Variants in RBM33 observed in about 807,000 individuals in gnomAD.
RBM33 encodes RNA-binding protein 33.
RBM33 carries 28 observed loss-of-function variants against 132.6 expected under a neutral mutation model. That is an observed-to-expected ratio of 0.21 (90% CI 0.16 to 0.29). The LOEUF is 0.29. RBM33 is among the 10% of genes least tolerant of loss of function. The pLI, the probability that RBM33 is intolerant of heterozygous loss-of-function variation, is 1.00. For missense variants in RBM33, 1,291 were observed against 1,518.5 expected (o/e 0.85, Z 2.49); for synonymous variants, 634 against 593.0 (o/e 1.07, Z -1.01).
Position 155,742,124 on chromosome 7 carries a change from T to C in RBM33, c.2337+18T>C, listed in dbSNP as rs777713613. ...AAACAGAGGTAGGACACTGCTCTTA[T>C]TAACAAATGTTGGTCTCAAACAAGA... On this transcript the variant is annotated intron_variant, in intron 13 of 17. Transcript: ENST00000401878. The C allele has an allele frequency of 1.9e-6, 3 of 1,587,440 alleles. No individual in the cohort carries two copies. The South Asian group carries it at 3.4e-5, about 18-fold the overall frequency.
At chr7:155,729,284 C>T (rs896696016) in intron 9 of RBM33, among the ~76,000 whole-genome samples, 3 of 152,136 alleles carry the variant, frequency 2.0e-5, no homozygotes, top group South Asian at 2.1e-4. Context: ...GATTACAGTT[C>T]GAGATGAGAT....
At position 155,737,554 on chromosome 7, in the gene RBM33, A is replaced by G. The variant is rs1585508674; in HGVS notation, c.1285A>G (p.Thr429Ala). Residue 429 changes from threonine to alanine, a missense_variant, in exon 10 of 18, where the codon ACA (threonine) becomes GCA (alanine). By Grantham distance (58) the Thr-to-Ala change is moderately conservative. Around this residue, in one of 7 missense-constraint regions of RBM33, gnomAD observed 841 missense variants for 912.0 expected, o/e 0.92. Transcript: ENST00000401878. ...GGGCCCTCCAGAATTTCCACAGCAT[A>G]CACCTGGACCTGTTCCCAACAGTTT... ...FPGPPEFPQH[T>A]PGPVPNSFSQ... The G allele has an allele frequency of 6.2e-7, 1 of 1,611,302 alleles. No homozygotes were observed.
Position 155,661,149 on chromosome 7 carries a change from T to A in RBM33, c.44-4026T>A, listed in dbSNP as rs560975360. ...GTGTGTGTATATATATATATATATT[T>A]TTTTTTTTTTGAGACAGAGTCTCAC... On this transcript the variant is annotated intron_variant, in intron 1 of 17. Transcript: ENST00000401878. 1.4e-3 allele frequency among the ~76,000 whole-genome samples: 191 copies of A among 137,190 alleles called. 6 individuals carry two copies. The highest frequency in any genetic ancestry group is 3.8e-3 in the Middle Eastern group (1 of 264). 90.0% of individuals were successfully genotyped at this position (137,190 alleles called of 152,430 possible). A position where few individuals can be genotyped will look rare whatever the true frequency, so the allele number is the denominator to read the frequency against.
Position 155,745,087 on chromosome 7 carries a change from G to A in RBM33, c.2464G>A (p.Glu822Lys). 6.2e-7 allele frequency: 1 copy of A among 1,602,876 alleles called. No homozygotes were observed. The highest frequency in any genetic ancestry group is 8.5e-7 in the Non-Finnish European group (1 of 1,174,308). ...GCAGCAGGCTGGTGCCAGGAAGAAG[G>A]AGCTGCTGGAGAGACTCGCGCAGCA... ...RQQQAGARKK[E>K]LLERLAQQQQ... Residue 822 changes from glutamate to lysine, a missense_variant, in exon 14 of 18, where the codon GAG becomes AAG. By Grantham distance (56) the Glu-to-Lys change is moderately conservative. Coordinates refer to ENST00000401878, the MANE Select transcript of RBM33 (RefSeq NM_053043.3). The surrounding 1 kb of genome is among the most constrained non-coding windows in gnomAD (Gnocchi z 4.1).
chr7:155,734,802 G>A (rs1261173654), intron 9 of RBM33, among the ~76,000 whole-genome samples: 1 of 152,110 alleles, frequency 6.6e-6, no homozygotes, highest in Admixed American at 6.5e-5. Context: ...GCCAATTTGC[G>A]TGGGTTGGAA....
intron 14 of RBM33, among the ~76,000 whole-genome samples, chr7:155,753,849 G>A (rs919740590): frequency 1.3e-5 from 2 of 152,242 alleles, no homozygotes; most frequent in African/African-American, 4.8e-5. Context: ...GTGCTAATGA[G>A]TGGTAAAATG....
intron 4 of RBM33, 127 bp downstream of exon 4, chr7:155,678,811 A>G (rs957418765): frequency 3.4e-6 from 2 of 584,544 alleles, no homozygotes; most frequent in Non-Finnish European, 6.1e-6. Flanking sequence ...ATTACATTCT[A>G]AATGGAATAC....
chr7:155,650,883 T>C (rs1388218026), intron 1 of RBM33, among the ~76,000 whole-genome samples: 1 of 152,194 alleles, frequency 6.6e-6, no homozygotes, highest in Non-Finnish European at 1.5e-5. Flanking sequence ...GTTGTTGTTG[T>C]TTTTGTTTTG....
At chr7:155,708,524 C>T (rs1027465243) in intron 7 of RBM33, among the ~76,000 whole-genome samples, 7 of 152,160 alleles carry the variant, frequency 4.6e-5, no homozygotes, top group Non-Finnish European at 7.4e-5. Context: ...GGGAAGAGCA[C>T]GTATCTCTCA....
chr7:155,728,009 G>A (rs1346197481), intron 9 of RBM33, among the ~76,000 whole-genome samples: 1 of 152,148 alleles, frequency 6.6e-6, no homozygotes, highest in African/African-American at 2.4e-5. Context: ...GGCTCAAGCA[G>A]TCAGCCCACC....
chr7:155,775,422 A>G lies in RBM33; in HGVS notation c.*381A>G, dbSNP rs1355089239. On this transcript the variant is annotated 3_prime_UTR_variant, in exon 18 of 18. Coordinates refer to ENST00000401878, the MANE Select transcript of RBM33 (RefSeq NM_053043.3). The stretch of plus-strand genomic sequence containing the variant: ...GTCACAAGTTCTAAGTAGTTTTCAC[A>G]GCAAAGAATATTTGATAATGGTTGC... 4 of 358,082 alleles carry G rather than the reference A, an allele frequency of 1.1e-5. No homozygotes were observed. The Admixed American group carries it at 1.2e-4, about 10-fold the overall frequency. The allele number at this position is 358,082 out of a possible 1,614,324, so 22.2% of individuals were successfully genotyped here. A position where few individuals can be genotyped will look rare whatever the true frequency, so the allele number is the denominator to read the frequency against.
At chr7:155,678,509 T>C in intron 3 of RBM33, 99 bp from the exon 4 acceptor site, 4 of 742,520 alleles carry the variant, frequency 5.4e-6, no homozygotes, top group Non-Finnish European at 8.7e-6. Flanking sequence ...AACGTTTTAA[T>C]ATAAGGCTAG....
rs192080505 is a variant in RBM33, at chr7:155,713,198, G to T, written c.1201+1743G>T. Among the ~76,000 whole-genome samples the T allele has an allele frequency of 1.7e-3, 260 of 152,212 alleles. 2 individuals carry two copies. Among genetic ancestry groups the T allele is most frequent in the Admixed American group, 0.015 (232 of 15,280 alleles). On this transcript the variant is annotated intron_variant, in intron 8 of 17. Transcript: ENST00000401878. ...TGGGGAGATCAAAAGTTCTGTTTTG[G>T]GTGCATTAAATTTGAGATGCCAACT... is the stretch of plus-strand genomic sequence containing the variant.
At chr7:155,741,697 C>A in intron 12 of RBM33, 122 bp from the exon 13 acceptor site, 1 of 939,860 alleles carries the variant, frequency 1.1e-6, no homozygotes, top group Non-Finnish European at 1.6e-6. Context: ...GTATCTGCTC[C>A]CCAAAAGAAG....
intron 9 of RBM33, among the ~76,000 whole-genome samples, chr7:155,724,575 C>G (rs1050771437): frequency 3.3e-5 from 5 of 152,122 alleles, no homozygotes; most frequent in Non-Finnish European, 7.4e-5. Flanking sequence ...AGTAATTCTT[C>G]CAAAAGATGA....
intron 5 of RBM33, among the ~76,000 whole-genome samples, chr7:155,697,979 A>G (rs1799845330): frequency 6.6e-6 from 1 of 152,240 alleles, no homozygotes; most frequent in African/African-American, 2.4e-5. Context: ...TTTACACAAC[A>G]TAATCTTAGG....
chr7:155,678,948 G>T (rs1407772580), intron 4 of RBM33, among the ~76,000 whole-genome samples: 1 of 152,078 alleles, frequency 6.6e-6, no homozygotes, highest in Non-Finnish European at 1.5e-5. Flanking sequence ...GAGGCAGGTG[G>T]ATCACTTGAG....
At chr7:155,673,409 T>TGTGG (rs1563137142) in intron 3 of RBM33, among the ~76,000 whole-genome samples, 575 of 12,152 alleles carry the variant, frequency 0.047, 11 homozygotes, top group African/African-American at 0.11. Flanking sequence ...ATATTGTGTG[T>TGTGG]GTGTGTGTGT....
chr7:155,686,247 C>T (rs549005849), intron 5 of RBM33, among the ~76,000 whole-genome samples: 2 of 152,312 alleles, frequency 1.3e-5, no homozygotes, highest in African/African-American at 4.8e-5. Context: ...TCTTGTTCAT[C>T]ACTGTATTCT....
Sources: gnomAD v4.1 joint callset for allele counts (sites outside exome capture counted in the v4.1 genomes callset) on GRCh38, gnomAD v4.1.1 for gene constraint, gnomAD v4.1.1 regional missense constraint, Gnocchi (gnomAD v3.1) non-coding constraint, MANE v1.5 for transcripts, NCBI Gene and HGNC (gene_info 2026-07-23, HGNC 2026-07-21) for gene names.